Variants in CAPN3 observed in about 807,000 individuals in gnomAD.
The protein encoded by CAPN3 is calpain 3, also known as calpain-3.
CAPN3 carries 88 observed loss-of-function variants against 114.0 expected under a neutral mutation model. That is an observed-to-expected ratio of 0.77 (90% CI 0.65 to 0.92). The LOEUF is 0.92. CAPN3 is among the 40% of genes least tolerant of loss of function. The probability of loss-of-function intolerance (pLI) is 0.00; values close to 1 mark genes in which losing one functional copy is unlikely to be tolerated. For missense variants in CAPN3, 1,028 were observed against 1,069.0 expected (o/e 0.96, Z 0.53); for synonymous variants, 386 against 382.9 (o/e 1.01, Z -0.09).
At chr15:42,402,179 AG>A in intron 12 of CAPN3, 44 bp downstream of exon 12, 1 of 1,613,710 alleles carries the variant, frequency 6.2e-7, no homozygotes, top group Non-Finnish European at 8.5e-7. Flanking sequence ...AGCACTACCC[AG>A]GGGGCCCCGA....
intron 11 of CAPN3, 53 bp from the exon 12 acceptor site, chr15:42,402,071 G>A: frequency 6.2e-7 from 1 of 1,612,318 alleles, no homozygotes; most frequent in Admixed American, 1.7e-5. Context: ...CCTTCCGCAG[G>A]CTCCTCATCC....
At chr15:42,369,870 C>CT (rs748584513) in intron 1 of CAPN3, among the ~76,000 whole-genome samples, 5,111 of 126,940 alleles carry the variant, frequency 0.04, 266 homozygotes, top group African/African-American at 0.13. Flanking sequence ...TTCTTTCTTT[C>CT]TTTTTTTTTT....
rs1332137128 is a variant in CAPN3 at position 42,412,189 on chromosome 15, C to G, written c.*416C>G. The G allele has an allele frequency of 2.0e-6, 3 of 1,535,974 alleles. No individual in the cohort carries two copies. The highest frequency in any genetic ancestry group is 2.6e-6 in the Non-Finnish European group (3 of 1,146,850). On this transcript the variant is annotated 3_prime_UTR_variant, in exon 24 of 24. Coordinates refer to ENST00000397163, the MANE Select transcript of CAPN3 (RefSeq NM_000070.3). ...CCATGGGCCAGGAACCAAACCAGCA[C>G]TGGGTTCTACTGCTGTGGGGTAAAC...
chr15:42,406,486 G>T (rs2054025566), intron 15 of CAPN3, among the ~76,000 whole-genome samples: 2 of 152,110 alleles, frequency 1.3e-5, no homozygotes, highest in Non-Finnish European at 2.9e-5. Context: ...CAGGCACTGT[G>T]CTTGGGGTCA....
chr15:42,386,490 C>T (rs2053411452), intron 3 of CAPN3, among the ~76,000 whole-genome samples: 1 of 152,188 alleles, frequency 6.6e-6, no homozygotes, highest in Non-Finnish European at 1.5e-5. Context: ...CACCACCTTC[C>T]ACTATGTCCC....
At chr15:42,374,781 G>A (rs1248602870) in intron 1 of CAPN3, among the ~76,000 whole-genome samples, 4 of 147,290 alleles carry the variant, frequency 2.7e-5, no homozygotes, top group Non-Finnish European at 3.0e-5. Context: ...CATTGTAATC[G>A]AATATCATGT....
At chr15:42,399,444 C>A in intron 9 of CAPN3, 48 bp from the exon 10 acceptor site, 1 of 1,476,402 alleles carries the variant, frequency 6.8e-7, no homozygotes, top group Non-Finnish European at 9.5e-7. Flanking sequence ...GTTCCCAGCC[C>A]TCCTCACCTG....
intron 6 of CAPN3, among the ~76,000 whole-genome samples, chr15:42,390,773 GT>G (rs1190196312): frequency 7.8e-6 from 1 of 127,456 alleles, no homozygotes; most frequent in African/African-American, 2.9e-5. Context: ...TTTTCAGTTA[GT>G]TTTTTTTGTT....
chr15:42,365,887 G>A (rs1001324151), intron 1 of CAPN3, among the ~76,000 whole-genome samples: 1 of 152,180 alleles, frequency 6.6e-6, no homozygotes, highest in Non-Finnish European at 1.5e-5. Flanking sequence ...CCTCTGAATA[G>A]ATGACTTTAT....
intron 1 of CAPN3, among the ~76,000 whole-genome samples, chr15:42,368,996 G>C (rs2052861665): frequency 6.6e-6 from 1 of 152,226 alleles, no homozygotes; most frequent in Non-Finnish European, 1.5e-5. Flanking sequence ...ATAAAGACAG[G>C]TTTATTTTGG....
intron 14 of CAPN3, chr15:42,404,862 G>A: frequency 9.4e-7 from 1 of 1,068,920 alleles, no homozygotes; most frequent in Non-Finnish European, 1.1e-6. Context: ...GTAGGTGTGT[G>A]GGGATCTGTT....
At chr15:42,389,705 A>G (rs2053501426) in intron 5 of CAPN3, among the ~76,000 whole-genome samples, 1 of 152,174 alleles carries the variant, frequency 6.6e-6, no homozygotes, top group African/African-American at 2.4e-5. Context: ...GCTGAAGCTG[A>G]ATTCCTGCCC....
chr15:42,403,857 A>T, intron 14 of CAPN3, 80 bp downstream of exon 14: 1 of 1,262,400 alleles, frequency 7.9e-7, no homozygotes. Flanking sequence ...GGTGCAGGGG[A>T]GAATGGGCAC....
At chr15:42,399,272 T>C (rs1364523894) in intron 9 of CAPN3, among the ~76,000 whole-genome samples, 1 of 152,184 alleles carries the variant, frequency 6.6e-6, no homozygotes, top group Non-Finnish European at 1.5e-5. Flanking sequence ...TTTCTGGCCC[T>C]GGCACATTTT....
chr15:42,390,092 C>T lies in CAPN3; in HGVS notation c.941C>T (p.Thr314Ile). Reference protein sequence around the residue: ...LDPRGSDERPTRTIIPVQYET... With the variant: ...LDPRGSDERPIRTIIPVQYET... ...CCCAGAGGCTCAGATGAAAGACCGA[C>T]CCGGGTGTGTACACCTCCGATTATC... The change falls in exon 6 of 24, where the codon ACC becomes ATC. Residue 314 changes from threonine to isoleucine, a missense_variant. Thr to Ile is a moderately conservative substitution (Grantham distance 89, BLOSUM62 -1). Transcript: ENST00000397163. The T allele has an allele frequency of 6.2e-7, 1 of 1,614,130 alleles. No individual in the cohort carries two copies. Among genetic ancestry groups the T allele is most frequent in the Non-Finnish European group, 8.5e-7 (1 of 1,180,004 alleles).
At chr15:42,408,522 G>A (rs1254324432) in intron 16 of CAPN3, 198 bp downstream of exon 16, 3 of 579,988 alleles carry the variant, frequency 5.2e-6, no homozygotes, top group Non-Finnish European at 9.8e-6. Flanking sequence ...CCAGGATGGG[G>A]GTTCCATTCT....
At position 42,389,979 on chromosome 15, in the gene CAPN3, C is replaced by G; in HGVS notation, c.828C>G (p.Thr276=). The change falls in exon 6 of 24, where the codon ACC becomes ACG. Residue 276 remains threonine (T), a synonymous_variant. Coordinates refer to ENST00000397163, the MANE Select transcript of CAPN3 (RefSeq NM_000070.3). The stretch of plus-strand genomic sequence containing the variant: ...ATGGCACGAACATGACCTATGGAAC[C>G]TCTCCTTCTGGTCTGAACATGGGGG... ...IDDGTNMTYG[T]SPSGLNMGEL... 1 of 1,614,082 alleles carries G rather than the reference C, an allele frequency of 6.2e-7. No homozygotes were observed. Among genetic ancestry groups the G allele is most frequent in the Non-Finnish European group, 8.5e-7 (1 of 1,180,016 alleles).
intron 14 of CAPN3, chr15:42,404,264 T>C: frequency 2.2e-6 from 1 of 456,606 alleles, no homozygotes; most frequent in Non-Finnish European, 4.4e-6. Flanking sequence ...TAATGTGCCT[T>C]GCAAGGCTTT....
At chr15:42,366,048 G>T (rs1279634395) in intron 1 of CAPN3, among the ~76,000 whole-genome samples, 1 of 152,164 alleles carries the variant, frequency 6.6e-6, no homozygotes, top group African/African-American at 2.4e-5. Flanking sequence ...TCTTATCAGA[G>T]GGTGTCCATG....
Sources: gnomAD v4.1 joint callset for allele counts (sites outside exome capture counted in the v4.1 genomes callset) on GRCh38, gnomAD v4.1.1 for gene constraint, MANE v1.5 for transcripts, NCBI Gene and HGNC (gene_info 2026-07-23, HGNC 2026-07-21) for gene names.